Variants in DHX33 observed in about 807,000 individuals in gnomAD.
DHX33 encodes the protein DEAH-box helicase 33.
Under a neutral mutation model 72.5 loss-of-function variants are expected in DHX33, and 42 were observed. That is an observed-to-expected ratio of 0.58 (90% CI 0.45 to 0.75). The LOEUF (loss-of-function observed/expected upper bound fraction) is 0.75, where lower values mean the gene tolerates loss of function less well. Among genes scored for constraint, DHX33 ranks in the 30% least tolerant of loss-of-function variants. The probability of loss-of-function intolerance (pLI) is 0.00; values close to 1 mark genes in which losing one functional copy is unlikely to be tolerated. For missense variants in DHX33, 842 were observed against 917.5 expected (o/e 0.92, Z 1.06); for synonymous variants, 358 against 366.1 (o/e 0.98, Z 0.25).
chr17:5,455,825 G>A (rs537371433), intron 5 of DHX33, among the ~76,000 whole-genome samples, 172 bp downstream of exon 5: 3 of 152,272 alleles, frequency 2.0e-5, no homozygotes, highest in South Asian at 2.1e-4. Context: ...TCACAGGAGC[G>A]CTGCGTGTGT....
At chr17:5,452,771 T>A (rs981290507) in intron 8 of DHX33, among the ~76,000 whole-genome samples, 5 of 152,184 alleles carry the variant, frequency 3.3e-5, no homozygotes, top group African/African-American at 9.7e-5. Context: ...CATATACTCA[T>A]ATATGCATAC....
At chr17:5,465,414 T>TG (rs1904836115) in intron 1 of DHX33, among the ~76,000 whole-genome samples, 1 of 152,258 alleles carries the variant, frequency 6.6e-6, no homozygotes, top group Admixed American at 6.5e-5. Context: ...TTCATGCTCC[T>TG]ATACCAGGGC....
chr17:5,449,459 TAG>T (rs1916796420), intron 10 of DHX33, among the ~76,000 whole-genome samples: 1 of 152,120 alleles, frequency 6.6e-6, no homozygotes, highest in South Asian at 2.1e-4. Context: ...TGGAGATAGA[TAG>T]AGTCTCGCTC....
At chr17:5,454,033 T>C (rs751578519) in intron 6 of DHX33, 53 bp from the exon 7 acceptor site, 21 of 1,584,920 alleles carry the variant, frequency 1.3e-5, no homozygotes, top group Non-Finnish European at 1.8e-5. Flanking sequence ...AAACTCTTTC[T>C]ACAGTGTCGA....
At position 5,443,942 on chromosome 17, in the gene DHX33, C is replaced by A; in HGVS notation, c.*263G>T. ...TACTCCCATTTGGCAGATGAGAAAA[C>A]TGAGGCTCAGGTGTTAAATTAAGTC... On this transcript the variant is annotated 3_prime_UTR_variant, in exon 12 of 12. Coordinates refer to ENST00000225296, the MANE Select transcript of DHX33 (RefSeq NM_020162.4). 1 of 422,158 alleles carries A rather than the reference C, an allele frequency of 2.4e-6. No individual in the cohort carries two copies. 26.2% of individuals were successfully genotyped at this position (422,158 alleles called of 1,614,324 possible).
Position 5,444,499 on chromosome 17 carries a change from G to C in DHX33, c.1830C>G (p.Ile610Met). 1 of 1,613,654 alleles carries C rather than the reference G, an allele frequency of 6.2e-7. No individual in the cohort carries two copies. The highest frequency in any genetic ancestry group is 8.5e-7 in the Non-Finnish European group (1 of 1,179,742). Reference sequence around the variant, plus strand: ...TCTCCACGTCTCCTCGGGATGATGCGATTGGCATTGACATCTGTTTCGGGA... The same window carrying C: ...TCTCCACGTCTCCTCGGGATGATGCCATTGGCATTGACATCTGTTTCGGGA... ...RDICLKMSMP[I>M]ASSRGDVESV... The change falls in exon 12 of 12, where the codon ATC (isoleucine) becomes ATG (methionine). Residue 610 changes from isoleucine (I) to methionine (M), a missense_variant. By Grantham distance (10) the Ile-to-Met change is conservative. Coordinates refer to ENST00000225296, the MANE Select transcript of DHX33 (RefSeq NM_020162.4). This position sits in a 1 kb window ranked among gnomAD's most constrained non-coding sequence, Gnocchi z 4.9.
At position 5,444,636 on chromosome 17, in the gene DHX33, A is replaced by T. The variant is rs12603094; in HGVS notation, c.1816-123T>A. ...AGCAGCCCACATTGTGAGCCTAACG[A>T]TGTGGATTCTGACATTCGGAGGTGG... On this transcript the variant is annotated intron_variant, in intron 11 of 11. Coordinates refer to ENST00000225296, the MANE Select transcript of DHX33 (RefSeq NM_020162.4). This position sits in a 1 kb window ranked among gnomAD's most constrained non-coding sequence, Gnocchi z 4.9. The T allele has an allele frequency of 0.15, 149,353 of 1,016,670 alleles. 11,681 individuals are homozygous for T. The highest frequency in any genetic ancestry group is 0.22 in the Middle Eastern group (872 of 3,992). The allele number at this position is 1,016,670 out of a possible 1,614,324, so 63.0% of individuals were successfully genotyped here.
At chr17:5,454,377 A>G (rs1220851122) in intron 6 of DHX33, among the ~76,000 whole-genome samples, 1 of 152,206 alleles carries the variant, frequency 6.6e-6, no homozygotes, top group Admixed American at 6.5e-5. Context: ...GGGTCATACT[A>G]TCAATCAATG....
In DHX33 at chr17:5,455,216, G is replaced by A. The variant is rs1235562521; in HGVS notation, c.1091C>T (p.Thr364Ile). 6.2e-7 allele frequency: 1 copy of A among 1,614,110 alleles called. No individual in the cohort carries two copies. Among genetic ancestry groups the A allele is most frequent in the East Asian group, 2.2e-5 (1 of 44,882 alleles). ...CGTGTCAACTACATATTTTATTCCTGTAATGGTTATGGAGGTTTCAGCGAT... is the reference window on the plus strand; with the variant it reads ...CGTGTCAACTACATATTTTATTCCTATAATGGTTATGGAGGTTTCAGCGAT... ...TNIAETSITI[T>I]GIKYVVDTGM... The change falls in exon 6 of 12, where the codon ACA becomes ATA. Residue 364 changes from threonine to isoleucine, a missense_variant. Coordinates refer to ENST00000225296, the MANE Select transcript of DHX33 (RefSeq NM_020162.4).
At position 5,462,351 on chromosome 17, in the gene DHX33, T is replaced by C. The variant is rs1489357216; in HGVS notation, c.646A>G (p.Arg216Gly). The C allele has an allele frequency of 6.2e-7, 1 of 1,614,048 alleles. No homozygotes were observed. ...GGAAGTTTCCCGAGTTCCTTTCTCC[T>C]CTTCTGTGCAGCTTTCACCACTCCA... ...LFGVVKAAQKRRKELGKLPLK... is the reference protein window; with the variant it reads ...LFGVVKAAQKGRKELGKLPLK... The change falls in exon 3 of 12, where the codon AGG becomes GGG. Residue 216 changes from arginine to glycine, a missense_variant. Coordinates refer to ENST00000225296, the MANE Select transcript of DHX33 (RefSeq NM_020162.4).
chr17:5,456,336 C>A (rs921024595), intron 4 of DHX33, among the ~76,000 whole-genome samples, 154 bp from the exon 5 acceptor site: 1 of 152,194 alleles, frequency 6.6e-6, no homozygotes, highest in Non-Finnish European at 1.5e-5. Flanking sequence ...TTGGAGAGAA[C>A]CCTTACCAGC....
In DHX33 at chr17:5,441,320, C is replaced by T. The variant is rs184476322; in HGVS notation, c.*2885G>A. On this transcript the variant is annotated 3_prime_UTR_variant, in exon 12 of 12. Transcript: ENST00000225296. Reference sequence around the variant, plus strand: ...CAGGACCTGCTGTTTGCAGTCCTGCCCCTTGTAGTGTTACTCTGGGTGTTG... The same window carrying T: ...CAGGACCTGCTGTTTGCAGTCCTGCTCCTTGTAGTGTTACTCTGGGTGTTG... 3 of 152,122 alleles carry T rather than the reference C, an allele frequency of 2.0e-5. No homozygotes were observed. Among genetic ancestry groups the T allele is most frequent in the African/African-American group, 7.2e-5 (3 of 41,398 alleles). 9.4% of individuals were successfully genotyped at this position (152,122 alleles called of 1,614,324 possible). A position where few individuals can be genotyped will look rare whatever the true frequency, so the allele number is the denominator to read the frequency against.
chr17:5,456,954 A>T (rs1904346689), intron 4 of DHX33, among the ~76,000 whole-genome samples: 1 of 152,196 alleles, frequency 6.6e-6, no homozygotes, highest in Non-Finnish European at 1.5e-5. Flanking sequence ...GGGGTTCCTC[A>T]CTTTCAAATG....
At chr17:5,456,224 T>C (rs1031695888) in intron 4 of DHX33, 42 bp from the exon 5 acceptor site, 4 of 1,586,444 alleles carry the variant, frequency 2.5e-6, no homozygotes, top group African/African-American at 2.7e-5. Flanking sequence ...ATTGATAGAA[T>C]TGCAGCTTGC....
chr17:5,452,847 C>A (rs539122347), intron 8 of DHX33, among the ~76,000 whole-genome samples: 1 of 152,248 alleles, frequency 6.6e-6, no homozygotes, highest in South Asian at 2.1e-4. Context: ...AACTGTGAAC[C>A]TGAGGATCAG....
chr17:5,468,929 G>A lies in DHX33; in HGVS notation c.-70C>T. 6.6e-7 allele frequency: 1 copy of A among 1,504,896 alleles called. No individual in the cohort carries two copies. The highest frequency in any genetic ancestry group is 9.0e-7 in the Non-Finnish European group (1 of 1,113,890). 93.2% of individuals were successfully genotyped at this position (1,504,896 alleles called of 1,614,324 possible). Reference sequence around the variant, plus strand: ...TGCCCCCTCTCAGGTGCAGACAACAGGAGCACACCGCCCCTTCCTCGCCGC... The same window carrying A: ...TGCCCCCTCTCAGGTGCAGACAACAAGAGCACACCGCCCCTTCCTCGCCGC... On this transcript the variant is annotated 5_prime_UTR_variant, in exon 1 of 12. Transcript: ENST00000225296.
At position 5,444,132 on chromosome 17, in the gene DHX33, G is replaced by A. The variant is rs1916538459; in HGVS notation, c.*73C>T. The stretch of plus-strand genomic sequence containing the variant: ...CCAAGGCTTCTCTAAGCGCCAACCT[G>A]GAAGCCTGCTGTAAGGACAACTGTA... On this transcript the variant is annotated 3_prime_UTR_variant, in exon 12 of 12. Coordinates refer to ENST00000225296, the MANE Select transcript of DHX33 (RefSeq NM_020162.4). This position sits in a 1 kb window ranked among gnomAD's most constrained non-coding sequence, Gnocchi z 4.9. 2.0e-6 allele frequency: 3 copies of A among 1,521,196 alleles called. No individual in the cohort carries two copies. In the South Asian group the frequency reaches 3.9e-5, roughly 20 times the overall value. 94.2% of individuals were successfully genotyped at this position (1,521,196 alleles called of 1,614,324 possible).
In DHX33 at chr17:5,459,124, C is replaced by T. The variant is rs545786134; in HGVS notation, c.849+1815G>A. ...CAAAGGTAGGAGGACGGCTTGAGCC[C>T]AGGAGATCGAGGCTGTAGTAGCTGT... is the stretch of plus-strand genomic sequence containing the variant. On this transcript the variant is annotated intron_variant, in intron 4 of 11. Coordinates refer to ENST00000225296, the MANE Select transcript of DHX33 (RefSeq NM_020162.4). Among the ~76,000 whole-genome samples, 10 of 152,238 alleles carry T rather than the reference C, an allele frequency of 6.6e-5. No individual in the cohort carries two copies. In the East Asian group the frequency reaches 1.5e-3, roughly 24 times the overall value.
chr17:5,453,513 T>C, intron 8 of DHX33, 67 bp downstream of exon 8: 3 of 1,273,994 alleles, frequency 2.4e-6, no homozygotes, highest in Non-Finnish European at 3.4e-6. Flanking sequence ...TTTATTTTTT[T>C]GGAAGTGTCC....
Sources: gnomAD v4.1 joint callset for allele counts (sites outside exome capture counted in the v4.1 genomes callset) on GRCh38, gnomAD v4.1.1 for gene constraint, Gnocchi (gnomAD v3.1) non-coding constraint, MANE v1.5 for transcripts, NCBI Gene and HGNC (gene_info 2026-07-23, HGNC 2026-07-21) for gene names.